RPN2: variants seen among roughly 807,000 people sequenced by gnomAD.
RPN2 encodes the protein dolichyl-diphosphooligosaccharide--protein glycosyltransferase subunit 2.
RPN2 carries 29 observed loss-of-function variants against 71.4 expected under a neutral mutation model. The observed-to-expected ratio is 0.41, with a 90% CI of 0.30 to 0.55. The LOEUF (loss-of-function observed/expected upper bound fraction) is 0.55. Ranked by LOEUF, RPN2 falls within the 20% of genes least tolerant of loss-of-function variation. The probability of loss-of-function intolerance (pLI) is 0.35; values close to 1 mark genes in which losing one functional copy is unlikely to be tolerated. For synonymous variants in RPN2, 308 were observed against 305.0 expected (o/e 1.01, Z -0.10); for missense variants, 726 against 774.1 (o/e 0.94, Z 0.74).
chr20:37,236,141 T>TGTCACACCCAG (rs2068381746), intron 15 of RPN2, among the ~76,000 whole-genome samples: 1 of 152,026 alleles, frequency 6.6e-6, no homozygotes, highest in Admixed American at 6.6e-5. Context: ...TCACCCAGGC[T>TGTCACACCCAG]GAAGTACAGT....
At chr20:37,233,896 G>A in intron 14 of RPN2, 124 bp from the exon 15 acceptor site, 4 of 1,054,714 alleles carry the variant, frequency 3.8e-6, no homozygotes, top group Non-Finnish European at 4.3e-6. Flanking sequence ...AGAATTGCCT[G>A]TCCTTCTAGG....
intron 6 of RPN2, among the ~76,000 whole-genome samples, chr20:37,205,426 A>G (rs773080058): frequency 1.3e-4 from 20 of 152,122 alleles, no homozygotes; most frequent in Non-Finnish European, 2.6e-4. Context: ...TTAACCTGAA[A>G]GAATCTTTAG....
chr20:37,217,273 T>TATA, intron 9 of RPN2, among the ~76,000 whole-genome samples: 1 of 39,384 alleles, frequency 2.5e-5, no homozygotes, highest in Non-Finnish European at 4.6e-5. Flanking sequence ...GAAAACTAAA[T>TATA]ATTATTATTA....
At chr20:37,210,199 C>A (rs1287244027) in intron 8 of RPN2, 34 bp downstream of exon 8, 1 of 1,611,180 alleles carries the variant, frequency 6.2e-7, no homozygotes, top group Non-Finnish European at 8.5e-7. Flanking sequence ...GGGGCGCTGA[C>A]CTCTTTGTTT....
At chr20:37,226,875 A>C (rs1187214318) in intron 11 of RPN2, among the ~76,000 whole-genome samples, 1 of 152,208 alleles carries the variant, frequency 6.6e-6, no homozygotes, top group Admixed American at 6.5e-5. Flanking sequence ...AAATACTTTG[A>C]ATGCTGAAAG....
At chr20:37,225,274 T>C (rs2068050058) in intron 10 of RPN2, among the ~76,000 whole-genome samples, 1 of 152,182 alleles carries the variant, frequency 6.6e-6, no homozygotes, top group African/African-American at 2.4e-5. Context: ...CTGCCTTGTC[T>C]CGATTTTGCT....
At chr20:37,196,356 A>G (rs2067257847) in intron 2 of RPN2, among the ~76,000 whole-genome samples, 1 of 152,106 alleles carries the variant, frequency 6.6e-6, no homozygotes, top group South Asian at 2.1e-4. Context: ...AAGCCTCCCG[A>G]GTAGCTGGGA....
chr20:37,213,603 T>A (rs2067729949), intron 8 of RPN2, among the ~76,000 whole-genome samples, 157 bp from the exon 9 acceptor site: 1 of 151,454 alleles, frequency 6.6e-6, no homozygotes, highest in African/African-American at 2.4e-5. Flanking sequence ...AAAAAAAAAA[T>A]AAGAAGCACG....
intron 2 of RPN2, among the ~76,000 whole-genome samples, chr20:37,194,250 G>A (rs1185108522): frequency 2.1e-5 from 2 of 95,912 alleles, no homozygotes; most frequent in South Asian, 6.8e-4. Context: ...GAAGGGTTGA[G>A]GGAAATTGTT....
chr20:37,199,135 C>A lies in RPN2; in HGVS notation c.389C>A (p.Ala130Glu), dbSNP rs1270189725. 2 of 1,614,160 alleles carry A rather than the reference C, an allele frequency of 1.2e-6. No homozygotes were observed. The highest frequency in any genetic ancestry group is 1.7e-6 in the Non-Finnish European group (2 of 1,179,962). ...GTTACCCAGATCTACCATGCAGTTGCAGCTCTAAGTGGCTTTGGCCTTCCC... is the reference window on the plus strand; with the variant it reads ...GTTACCCAGATCTACCATGCAGTTGAAGCTCTAAGTGGCTTTGGCCTTCCC... ...SSVTQIYHAVAALSGFGLPLA... is the reference protein window; with the variant it reads ...SSVTQIYHAVEALSGFGLPLA... Residue 130 changes from alanine to glutamate, a missense_variant, in exon 4 of 17, where the codon GCA becomes GAA. Transcript: ENST00000237530.
chr20:37,200,527 T>G (rs1244935327), intron 4 of RPN2: 2 of 517,746 alleles, frequency 3.9e-6, no homozygotes, highest in African/African-American at 3.9e-5. Flanking sequence ...TTCAAAACAG[T>G]GAGATTGTTT....
chr20:37,195,508 C>T (rs1248290407), intron 2 of RPN2, among the ~76,000 whole-genome samples: 1 of 152,166 alleles, frequency 6.6e-6, no homozygotes, highest in Non-Finnish European at 1.5e-5. Flanking sequence ...GGACAAGTTA[C>T]TTTGCCTTTA....
intron 3 of RPN2, 80 bp from the exon 4 acceptor site, chr20:37,198,970 T>C: frequency 3.5e-6 from 4 of 1,145,608 alleles, no homozygotes; most frequent in African/African-American, 1.5e-5. Flanking sequence ...TGGCAGCTGC[T>C]CCGCATTCTG....
intron 16 of RPN2, 70 bp downstream of exon 16, chr20:37,236,779 T>C: frequency 6.6e-7 from 1 of 1,512,184 alleles, no homozygotes; most frequent in Non-Finnish European, 9.2e-7. Flanking sequence ...CCTAGCTCTT[T>C]GAAGGGTAGG....
chr20:37,240,447 T>G (rs2068521461), intron 16 of RPN2, among the ~76,000 whole-genome samples: 1 of 152,224 alleles, frequency 6.6e-6, no homozygotes, highest in Non-Finnish European at 1.5e-5. Context: ...ACTGCTTTAT[T>G]AATGGGTTTG....
intron 9 of RPN2, among the ~76,000 whole-genome samples, chr20:37,222,335 G>A (rs1183670670): frequency 1.3e-5 from 2 of 152,054 alleles, no homozygotes; most frequent in Admixed American, 6.5e-5. Context: ...GAATTCATAG[G>A]TGGCTGTGAA....
chr20:37,211,127 C>T (rs1361043967), intron 8 of RPN2, among the ~76,000 whole-genome samples: 1 of 151,250 alleles, frequency 6.6e-6, no homozygotes, highest in Non-Finnish European at 1.5e-5. Flanking sequence ...CTCCACCTCC[C>T]GGCTTCAAGC....
At chr20:37,215,725 C>G (rs1295358411) in intron 9 of RPN2, among the ~76,000 whole-genome samples, 4 of 152,060 alleles carry the variant, frequency 2.6e-5, no homozygotes, top group South Asian at 4.1e-4. Context: ...CCAAATTGCT[C>G]TATTCTCCAT....
chr20:37,180,905 G>A (rs1451944593), intron 1 of RPN2, among the ~76,000 whole-genome samples: 1 of 152,170 alleles, frequency 6.6e-6, no homozygotes, highest in Non-Finnish European at 1.5e-5. Flanking sequence ...CCATTAGAGT[G>A]TAAGTCAAAT....
Sources: allele counts gnomAD v4.1 joint callset (sites outside exome capture counted in the v4.1 genomes callset), GRCh38; gene constraint gnomAD v4.1.1; transcripts MANE v1.5; gene names NCBI Gene and HGNC (gene_info 2026-07-23, HGNC 2026-07-21).